BCAT2: variants seen among roughly 807,000 people sequenced by gnomAD.
BCAT2 encodes branched-chain-amino-acid aminotransferase, mitochondrial.
Under a neutral mutation model 52.9 loss-of-function variants are expected in BCAT2, and 44 were observed. The observed-to-expected ratio is 0.83, with a 90% CI of 0.65 to 1.07. BCAT2 has a LOEUF of 1.07. BCAT2 is among the 50% of genes least tolerant of loss of function. The pLI, the probability that BCAT2 is intolerant of heterozygous loss-of-function variation, is 0.00. For synonymous variants in BCAT2, 215 were observed against 217.1 expected (o/e 0.99, Z 0.08); for missense variants, 478 against 521.8 (o/e 0.92, Z 0.82).
Position 48,807,582 on chromosome 19 carries a change from TC to T in BCAT2, c.25-509del. ...CGAAGTCTGGGCCCCCAGCCCCTCC[TC>T]CCTCAGACCCTGGAGTCCAGGCCTC... On this transcript the variant is annotated intron_variant, in intron 1 of 10. Coordinates refer to ENST00000316273, the MANE Select transcript of BCAT2 (RefSeq NM_001190.4). The surrounding 1 kb of genome is among the most constrained non-coding windows in gnomAD (Gnocchi z 4.6). The T allele has an allele frequency of 4.3e-6, 2 of 465,186 alleles. No individual in the cohort carries two copies. The highest frequency in any genetic ancestry group is 5.7e-6 in the Non-Finnish European group (2 of 352,840). The allele number at this position is 465,186 out of a possible 1,614,324, so 28.8% of individuals were successfully genotyped here.
At chr19:48,800,323 C>T in intron 3 of BCAT2, 26 bp from the exon 4 acceptor site, 2 of 1,598,850 alleles carry the variant, frequency 1.3e-6, no homozygotes, top group Non-Finnish European at 1.7e-6. Flanking sequence ...GGTGGGGAGG[C>T]TCAGAGACTT....
Position 48,796,977 on chromosome 19 carries a change from C to G in BCAT2, c.884G>C (p.Gly295Ala). The change falls in exon 8 of 11, where the codon GGA becomes GCA. Residue 295 changes from glycine to alanine, a missense_variant. Physicochemically the swap from Gly to Ala is moderately conservative, Grantham distance 60. Transcript: ENST00000316273. ...TPPLNGVILP[G>A]VVRQSLLDMA... The stretch of plus-strand genomic sequence containing the variant: ...GTCCAGTAGACTCTGTCTGACCACT[C>G]CAGGCAGGATAACACCATTCAGCGG... 6.2e-7 allele frequency: 1 copy of G among 1,614,192 alleles called. No homozygotes were observed. Among genetic ancestry groups the G allele is most frequent in the Non-Finnish European group, 8.5e-7 (1 of 1,180,036 alleles).
Position 48,795,424 on chromosome 19 carries a change from C to G in BCAT2, c.*2G>C. 6.2e-7 allele frequency: 1 copy of G among 1,614,002 alleles called. No individual in the cohort carries two copies. The highest frequency in any genetic ancestry group is 8.5e-7 in the Non-Finnish European group (1 of 1,179,998). ...GGTGGATCTGGAGCACAGCCTGCAGCTTCACACCGGGAACATCCACTCGTG... is the reference window on the plus strand; with the variant it reads ...GGTGGATCTGGAGCACAGCCTGCAGGTTCACACCGGGAACATCCACTCGTG... On this transcript the variant is annotated 3_prime_UTR_variant, in exon 11 of 11. Transcript: ENST00000316273.
rs551695365 is a variant in BCAT2, at chr19:48,808,005, G to A, written c.25-931C>T. On this transcript the variant is annotated intron_variant, in intron 1 of 10. Transcript: ENST00000316273. ...GGCGTTGGGGCGTGAGGTTGAGAGA[G>A]ACAGAGTGGCCTGGCCTGGCCTGCC... 1,653 of 986,400 alleles carry A rather than the reference G, an allele frequency of 1.7e-3. 3 individuals are homozygous for A. The highest frequency in any genetic ancestry group is 1.9e-3 in the Non-Finnish European group (1,596 of 830,472). 61.1% of individuals were successfully genotyped at this position (986,400 alleles called of 1,614,324 possible). A position where few individuals can be genotyped will look rare whatever the true frequency, so the allele number is the denominator to read the frequency against.
At chr19:48,810,662 A>T in intron 1 of BCAT2, 1 of 764,616 alleles carries the variant, frequency 1.3e-6, no homozygotes, top group Non-Finnish European at 1.8e-6. Context: ...ACCGCACCCC[A>T]GGGCTCCGCT....
rs2034816754 is a variant in BCAT2, at chr19:48,807,470, C to A, written c.25-396G>T. On this transcript the variant is annotated intron_variant, in intron 1 of 10. Coordinates refer to ENST00000316273, the MANE Select transcript of BCAT2 (RefSeq NM_001190.4). The surrounding 1 kb of genome is among the most constrained non-coding windows in gnomAD (Gnocchi z 4.6). ...GACCAAGGACCGACAGGTCCTGCTC[C>A]CCCAGAGCTCAGGGGTGCAGACCCC... 2 of 185,742 alleles carry A rather than the reference C, an allele frequency of 1.1e-5. No homozygotes were observed. Among genetic ancestry groups the A allele is most frequent in the South Asian group, 1.9e-4 (2 of 10,466 alleles). 11.5% of individuals were successfully genotyped at this position (185,742 alleles called of 1,614,324 possible). A position where few individuals can be genotyped will look rare whatever the true frequency, so the allele number is the denominator to read the frequency against.
intron 3 of BCAT2, among the ~76,000 whole-genome samples, chr19:48,803,268 C>T (rs1351695356): frequency 6.6e-6 from 1 of 151,832 alleles, no homozygotes; most frequent in African/African-American, 2.4e-5. Flanking sequence ...CCTGCAATCC[C>T]AGGACTTTGG....
At chr19:48,798,012 C>A (rs989806757) in intron 6 of BCAT2, among the ~76,000 whole-genome samples, 89 of 151,816 alleles carry the variant, frequency 5.9e-4, no homozygotes, top group African/African-American at 2.1e-3. Context: ...TATTTATATG[C>A]CCGCCTCAGC....
rs377427799 is a variant in BCAT2 at position 48,799,861 on chromosome 19, G to A, written c.532-23C>T. On this transcript the variant is annotated intron_variant, in intron 5 of 10. Coordinates refer to ENST00000316273, the MANE Select transcript of BCAT2 (RefSeq NM_001190.4). The surrounding 1 kb of genome is among the most constrained non-coding windows in gnomAD (Gnocchi z 5.5). ...GGGCTGCGACGGGCAAAGGGACAGC[G>A]TCAGGAGTCCAGGCCCCCAGTCCCT... The A allele has an allele frequency of 2.6e-4, 403 of 1,570,752 alleles. No individual in the cohort carries two copies. Among genetic ancestry groups the A allele is most frequent in the Non-Finnish European group, 3.4e-4 (397 of 1,158,640 alleles).
Position 48,799,582 on chromosome 19 carries a change from A to C in BCAT2, c.695+93T>G, listed in dbSNP as rs1229884654. ...GTGCTGATGATGTCACCTTCATGTG[A>C]CATCCAGAGGCATGGCCGAAAGCAC... On this transcript the variant is annotated intron_variant, in intron 6 of 10. Transcript: ENST00000316273. This position sits in a 1 kb window ranked among gnomAD's most constrained non-coding sequence, Gnocchi z 5.5. The C allele has an allele frequency of 2.8e-6, 4 of 1,410,668 alleles. No individual in the cohort carries two copies. The highest frequency in any genetic ancestry group is 1.4e-5 in the African/African-American group (1 of 69,324). 87.4% of individuals were successfully genotyped at this position (1,410,668 alleles called of 1,614,324 possible). A position where few individuals can be genotyped will look rare whatever the true frequency, so the allele number is the denominator to read the frequency against.
At chr19:48,796,059 C>T (rs562670055) in intron 10 of BCAT2, 170 of 426,010 alleles carry the variant, frequency 4.0e-4, no homozygotes, top group African/African-American at 3.0e-3. Flanking sequence ...CCAGGGCACC[C>T]GGGGCAGCAG....
Position 48,795,307 on chromosome 19 carries a change from A to T in BCAT2, c.*119T>A. The T allele has an allele frequency of 1.4e-6, 2 of 1,384,104 alleles. No homozygotes were observed. Among genetic ancestry groups the T allele is most frequent in the East Asian group, 2.5e-5 (1 of 40,544 alleles). The allele number at this position is 1,384,104 out of a possible 1,614,324, so 85.7% of individuals were successfully genotyped here. The stretch of plus-strand genomic sequence containing the variant: ...AACCACATGGGGGCGCCAGAGACCC[A>T]GACGCCGCCCGCTGGCCTTTTATTT... On this transcript the variant is annotated 3_prime_UTR_variant, in exon 11 of 11. Transcript: ENST00000316273.
At chr19:48,808,691 G>A (rs542991507) in intron 1 of BCAT2, among the ~76,000 whole-genome samples, 1 of 152,160 alleles carries the variant, frequency 6.6e-6, no homozygotes, top group African/African-American at 2.4e-5. Context: ...GGAGGCGGAG[G>A]TTGCAGTGAG....
Position 48,799,542 on chromosome 19 carries a change from A to C in BCAT2, c.695+133T>G. The C allele has an allele frequency of 8.4e-7, 1 of 1,184,550 alleles. No individual in the cohort carries two copies. The highest frequency in any genetic ancestry group is 1.1e-6 in the Non-Finnish European group (1 of 882,588). The allele number at this position is 1,184,550 out of a possible 1,614,324, so 73.4% of individuals were successfully genotyped here. A position where few individuals can be genotyped will look rare whatever the true frequency, so the allele number is the denominator to read the frequency against. On this transcript the variant is annotated intron_variant, in intron 6 of 10. Coordinates refer to ENST00000316273, the MANE Select transcript of BCAT2 (RefSeq NM_001190.4). The surrounding 1 kb of genome is among the most constrained non-coding windows in gnomAD (Gnocchi z 5.5). ...TCAGGGACCAGGGAGGTCACTTAGC[A>C]CTGAGCCCTGCACGGTGCTGATGAT... is the stretch of plus-strand genomic sequence containing the variant.
At chr19:48,795,966 A>G in intron 10 of BCAT2, 1 of 280,414 alleles carries the variant, frequency 3.6e-6, no homozygotes, top group Non-Finnish European at 6.7e-6. Context: ...CCAGGGCTCC[A>G]GGGAATCTTG....
At chr19:48,800,376 T>A in intron 3 of BCAT2, 79 bp from the exon 4 acceptor site, 1 of 1,290,138 alleles carries the variant, frequency 7.8e-7, no homozygotes, top group South Asian at 1.3e-5. Context: ...CAGAGACAGA[T>A]ACACAAAGAC....
chr19:48,811,026 C>A lies in BCAT2; in HGVS notation c.-19G>T, dbSNP rs2034912919. On this transcript the variant is annotated 5_prime_UTR_variant, in exon 1 of 11. Transcript: ENST00000316273. ...CGGCCATGATCCGTGCGGCGCGTAA[C>A]TGTGCCCGCCCGGGGCGCGGCTCCG... 3 of 1,594,976 alleles carry A rather than the reference C, an allele frequency of 1.9e-6. No individual in the cohort carries two copies. In the East Asian group the frequency reaches 6.9e-5, roughly 37 times the overall value.
chr19:48,809,338 C>G (rs2034869502), intron 1 of BCAT2, among the ~76,000 whole-genome samples: 1 of 152,002 alleles, frequency 6.6e-6, no homozygotes, highest in African/African-American at 2.4e-5. Context: ...TGTGATAGAA[C>G]CTCCATTATG....
intron 10 of BCAT2, chr19:48,796,088 T>G: frequency 4.4e-6 from 2 of 456,686 alleles, no homozygotes; most frequent in Non-Finnish European, 3.9e-6. Flanking sequence ...AGGGAGGGAG[T>G]TTCTCCCACC....
Sources: allele counts gnomAD v4.1 joint callset (sites outside exome capture counted in the v4.1 genomes callset), GRCh38; gene constraint gnomAD v4.1.1; non-coding constraint Gnocchi (gnomAD v3.1); transcripts MANE v1.5; gene names NCBI Gene and HGNC (gene_info 2026-07-23, HGNC 2026-07-21).